Variants in CYB5D2 observed in about 807,000 individuals in gnomAD.
CYB5D2 encodes the protein cytochrome b5 domain containing 2, also known as neuferricin.
In CYB5D2, 23 loss-of-function variants were observed where a neutral mutation model predicts 22.8. The ratio of observed to expected loss-of-function variants is 1.01; its 90% CI spans 0.73 to 1.43. The LOEUF (loss-of-function observed/expected upper bound fraction) is 1.43. Among genes scored for constraint, CYB5D2 ranks in the 40% most tolerant of loss-of-function variants. The probability of loss-of-function intolerance (pLI) is 0.00; values close to 1 mark genes in which losing one functional copy is unlikely to be tolerated. For missense variants in CYB5D2, 373 were observed against 357.2 expected, an observed-to-expected ratio of 1.04 and a Z score of -0.36; for synonymous variants, 170 against 152.2, an observed-to-expected ratio of 1.12 and a Z score of -0.86.
At chr17:4,150,986 C>G (rs2059051386) in intron 2 of CYB5D2, 1 of 152,260 alleles carries the variant, frequency 6.6e-6, no homozygotes, top group Non-Finnish European at 1.5e-5. Flanking sequence ...TGACTGACTT[C>G]CTGAGGAACA....
At position 4,149,955 on chromosome 17, in the gene CYB5D2, A is replaced by G; in HGVS notation, c.315A>G (p.Val105=). Residue 105 remains valine, a synonymous_variant, in exon 2 of 4, where the codon GTA becomes GTG. Transcript: ENST00000301391. ...CTGAAGCAGGCCTCGTGGATGACGT[A>G]TCCGACCTGTCAGCCGCTGAGATGC... ...DCSEAGLVDD[V]SDLSAAEMLT... 1 of 1,614,200 alleles carries G rather than the reference A, an allele frequency of 6.2e-7. No individual in the cohort carries two copies. Among genetic ancestry groups the G allele is most frequent in the Admixed American group, 1.7e-5 (1 of 60,022 alleles).
rs773119412 is a variant in CYB5D2 at position 4,143,840 on chromosome 17, T to TG, written c.89dup (p.Pro31SerfsTer50). 3.1e-6 allele frequency: 5 copies of TG among 1,614,080 alleles called. No individual in the cohort carries two copies. The East Asian group carries it at 1.1e-4, about 36-fold the overall frequency. ...AATGGCAGCACGGCTTATGGGCTGGTGGGGTCCCCGCGCTGGCTTTCGCCT... is the reference window on the plus strand; with the variant it reads ...AATGGCAGCACGGCTTATGGGCTGGTGGGGGTCCCCGCGCTGGCTTTCGCCT... On this transcript the variant is annotated frameshift_variant, in exon 1 of 4. Coordinates refer to ENST00000301391, the MANE Select transcript of CYB5D2 (RefSeq NM_144611.4). LOFTEE classifies it high-confidence loss of function.
chr17:4,144,724 G>A (rs756282105), intron 1 of CYB5D2, among the ~76,000 whole-genome samples: 6 of 152,132 alleles, frequency 3.9e-5, no homozygotes, highest in Non-Finnish European at 8.8e-5. Flanking sequence ...GGGGGTTAAA[G>A]GATGCGATTT....
intron 2 of CYB5D2, among the ~76,000 whole-genome samples, chr17:4,153,537 G>A (rs902592045): frequency 1.3e-5 from 2 of 152,232 alleles, no homozygotes; most frequent in African/African-American, 4.8e-5. Context: ...GCATCGGAGA[G>A]CCATGGTAGG....
intron 1 of CYB5D2, 79 bp downstream of exon 1, chr17:4,144,084 A>G (rs2058943123): frequency 3.3e-6 from 5 of 1,504,730 alleles, no homozygotes; most frequent in East Asian, 4.5e-5. Flanking sequence ...TTGGTTCATT[A>G]TTCATCTATT....
intron 2 of CYB5D2, among the ~76,000 whole-genome samples, chr17:4,153,647 C>T (rs1372160426): frequency 6.6e-6 from 1 of 152,104 alleles, no homozygotes; most frequent in Non-Finnish European, 1.5e-5. Flanking sequence ...TGCCACAGTC[C>T]GTGGTTTGGA....
At chr17:4,152,005 CAAA>C (rs112798736) in intron 2 of CYB5D2, among the ~76,000 whole-genome samples, 15 of 88,656 alleles carry the variant, frequency 1.7e-4, no homozygotes, top group Admixed American at 3.7e-4. Context: ...GACCCTGTCT[CAAA>C]AAAAAAAAAA....
chr17:4,155,820 C>T (rs951352402), intron 3 of CYB5D2, among the ~76,000 whole-genome samples: 1 of 152,248 alleles, frequency 6.6e-6, no homozygotes, highest in Non-Finnish European at 1.5e-5. Flanking sequence ...GTCTCCTGAA[C>T]CTCTTCTTGC....
At chr17:4,153,181 A>T (rs2059076333) in intron 2 of CYB5D2, among the ~76,000 whole-genome samples, 1 of 152,198 alleles carries the variant, frequency 6.6e-6, no homozygotes, top group African/African-American at 2.4e-5. Flanking sequence ...ACTGTGATGT[A>T]ATACGTTTGG....
rs28372950 is a variant in CYB5D2 at position 4,143,642 on chromosome 17, C to CGAGAGA, written c.-108_-103dup. The CGAGAGA allele has an allele frequency of 1.4e-6, 2 of 1,437,856 alleles. No homozygotes were observed. Among genetic ancestry groups the CGAGAGA allele is most frequent in the East Asian group, 4.7e-5 (2 of 42,412 alleles). 89.1% of individuals were successfully genotyped at this position (1,437,856 alleles called of 1,614,324 possible). A position where few individuals can be genotyped will look rare whatever the true frequency, so the allele number is the denominator to read the frequency against. The stretch of plus-strand genomic sequence containing the variant: ...GGGAGGGAGCGCGAGCACTAGCGCG[C>CGAGAGA]GAGAGAGAGAGCGAGAGCGCGCGCG... On this transcript the variant is annotated 5_prime_UTR_variant, in exon 1 of 4. Coordinates refer to ENST00000301391, the MANE Select transcript of CYB5D2 (RefSeq NM_144611.4).
At chr17:4,146,135 G>C (rs1029591406) in intron 1 of CYB5D2, among the ~76,000 whole-genome samples, 1 of 151,982 alleles carries the variant, frequency 6.6e-6, no homozygotes, top group African/African-American at 2.4e-5. Context: ...TGGTTCTTTA[G>C]CCCAGGCTGG....
intron 1 of CYB5D2, among the ~76,000 whole-genome samples, chr17:4,144,745 C>T (rs927286682): frequency 5.3e-5 from 8 of 152,244 alleles, no homozygotes; most frequent in Middle Eastern, 6.8e-3. Flanking sequence ...GCCTGAAACC[C>T]TCACACCTGA....
chr17:4,157,224 C>G lies in CYB5D2; in HGVS notation c.*142C>G. ...CTCTGGCTATATTCTGCAAATGTGG[C>G]TCATGCCCCTTACCGTGGCTCGGCG... On this transcript the variant is annotated 3_prime_UTR_variant, in exon 4 of 4. Coordinates refer to ENST00000301391, the MANE Select transcript of CYB5D2 (RefSeq NM_144611.4). This position sits in a 1 kb window ranked among gnomAD's most constrained non-coding sequence, Gnocchi z 4.4. 1.0e-6 allele frequency: 1 copy of G among 961,996 alleles called. No individual in the cohort carries two copies. The highest frequency in any genetic ancestry group is 1.5e-6 in the Non-Finnish European group (1 of 649,684). The allele number at this position is 961,996 out of a possible 1,614,324, so 59.6% of individuals were successfully genotyped here.
chr17:4,143,766 G>A lies in CYB5D2; in HGVS notation c.11G>A (p.Cys4Tyr), dbSNP rs781046501. The part of the protein sequence containing the change: MLR[C>Y]GGRGLLLGLA... ...GGTGGGCCTATATAGATGTTGAGGT[G>A]CGGAGGCCGTGGGCTTTTGTTGGGC... is the stretch of plus-strand genomic sequence containing the variant. The change falls in exon 1 of 4, where the codon TGC becomes TAC. Residue 4 changes from cysteine (C) to tyrosine (Y), a missense_variant. Coordinates refer to ENST00000301391, the MANE Select transcript of CYB5D2 (RefSeq NM_144611.4). The A allele has an allele frequency of 9.3e-6, 15 of 1,613,598 alleles. No homozygotes were observed. The highest frequency in any genetic ancestry group is 1.1e-5 in the South Asian group (1 of 91,046).
At position 4,143,548 on chromosome 17, in the gene CYB5D2, C is replaced by A; in HGVS notation, c.-208C>A. The A allele has an allele frequency of 8.8e-6, 5 of 568,420 alleles. No homozygotes were observed. Among genetic ancestry groups the A allele is most frequent in the Non-Finnish European group, 1.4e-5 (5 of 350,340 alleles). 35.2% of individuals were successfully genotyped at this position (568,420 alleles called of 1,614,324 possible). A position where few individuals can be genotyped will look rare whatever the true frequency, so the allele number is the denominator to read the frequency against. On this transcript the variant is annotated 5_prime_UTR_variant, in exon 1 of 4. Transcript: ENST00000301391. ...GTCTCAGAAAAAAAAAAAAAAAGTA[C>A]CTGGAAAAAGTCGCAGACAGCGAGC...
chr17:4,154,029 C>T (rs972399783), intron 2 of CYB5D2, among the ~76,000 whole-genome samples: 2 of 152,210 alleles, frequency 1.3e-5, no homozygotes, highest in African/African-American at 4.8e-5. Context: ...GCATTTGCAC[C>T]TCAGGACTGG....
chr17:4,151,455 T>C (rs1384935088), intron 2 of CYB5D2, among the ~76,000 whole-genome samples: 1 of 151,944 alleles, frequency 6.6e-6, no homozygotes, highest in Non-Finnish European at 1.5e-5. Flanking sequence ...GAGGCCGAGG[T>C]GGGCGGATCA....
In CYB5D2 at chr17:4,143,631, G is replaced by A. The variant is rs1045025101; in HGVS notation, c.-125G>A. The A allele has an allele frequency of 3.7e-6, 5 of 1,362,160 alleles. No individual in the cohort carries two copies. The South Asian group carries it at 7.1e-5, about 19-fold the overall frequency. The allele number at this position is 1,362,160 out of a possible 1,614,324, so 84.4% of individuals were successfully genotyped here. A position where few individuals can be genotyped will look rare whatever the true frequency, so the allele number is the denominator to read the frequency against. ...AGAGAGACTAAGGGAGGGAGCGCGA[G>A]CACTAGCGCGCGAGAGAGAGAGCGA... On this transcript the variant is annotated 5_prime_UTR_variant, in exon 1 of 4. Coordinates refer to ENST00000301391, the MANE Select transcript of CYB5D2 (RefSeq NM_144611.4).
chr17:4,143,998 C>G lies in CYB5D2; in HGVS notation c.243C>G (p.Gly81=). 1.2e-6 allele frequency: 2 copies of G among 1,601,246 alleles called. No homozygotes were observed. The highest frequency in any genetic ancestry group is 1.7e-6 in the Non-Finnish European group (2 of 1,173,568). Residue 81 remains glycine, a synonymous_variant, in exon 1 of 4, where the codon GGC becomes GGG. Coordinates refer to ENST00000301391, the MANE Select transcript of CYB5D2 (RefSeq NM_144611.4). The part of the protein sequence containing the change: ...RHYEPGSHYS[G]FAGRDASRAF... ...ACGAGCCTGGGTCCCACTATAGCGG[C>G]TTCGCAGGTATCAGCGAGGCTGCTC...
Sources: gnomAD v4.1 joint callset for allele counts (sites outside exome capture counted in the v4.1 genomes callset) on GRCh38, gnomAD v4.1.1 for gene constraint, Gnocchi (gnomAD v3.1) non-coding constraint, MANE v1.5 for transcripts, NCBI Gene and HGNC (gene_info 2026-07-23, HGNC 2026-07-21) for gene names.